Variants in PRKD1 observed in about 807,000 individuals in gnomAD.
The protein encoded by PRKD1 is serine/threonine-protein kinase D1.
PRKD1 carries 63 observed loss-of-function variants against 95.9 expected under a neutral mutation model. That is an observed-to-expected ratio of 0.66 (90% CI 0.54 to 0.81). The LOEUF (loss-of-function observed/expected upper bound fraction) is 0.81, where lower values mean the gene tolerates loss of function less well. Ranked by LOEUF, PRKD1 falls within the 30% of genes least tolerant of loss-of-function variation. The pLI, the probability that PRKD1 is intolerant of heterozygous loss-of-function variation, is 0.00. For missense variants in PRKD1, 1,048 were observed against 1,165.3 expected (o/e 0.90, Z 1.47); for synonymous variants, 425 against 423.1 (o/e 1.00, Z -0.05).
intron 1 of PRKD1, among the ~76,000 whole-genome samples, chr14:29,740,436 A>G (rs1197479675): frequency 6.6e-6 from 1 of 152,216 alleles, no homozygotes; most frequent in Non-Finnish European, 1.5e-5. Context: ...TCCAGAACAT[A>G]TTAAGGAATA....
intron 1 of PRKD1, among the ~76,000 whole-genome samples, chr14:29,736,498 GA>G (rs45445494): frequency 0.01 from 1,560 of 152,256 alleles, 28 homozygotes; most frequent in African/African-American, 0.034. Context: ...TTTGAAATCT[GA>G]AAACCCTCAT....
chr14:29,864,230 A>C (rs1161025686), intron 1 of PRKD1, among the ~76,000 whole-genome samples: 1 of 152,162 alleles, frequency 6.6e-6, no homozygotes, highest in Non-Finnish European at 1.5e-5. Context: ...GTCAGAAGAC[A>C]ACTATATAAC....
At chr14:29,734,357 T>C (rs1026728695) in intron 1 of PRKD1, among the ~76,000 whole-genome samples, 4 of 152,044 alleles carry the variant, frequency 2.6e-5, no homozygotes, top group African/African-American at 9.7e-5. Context: ...TTTTTATATG[T>C]GTAAATTAGA....
At position 29,927,289 on chromosome 14, in the gene PRKD1, G is replaced by A; in HGVS notation, c.224C>T (p.Ala75Val). 3.9e-6 allele frequency: 6 copies of A among 1,539,040 alleles called. No individual in the cohort carries two copies. The highest frequency in any genetic ancestry group is 5.2e-6 in the Non-Finnish European group (6 of 1,144,398). Residue 75 changes from alanine to valine, a missense_variant, in exon 1 of 18, where the codon GCG (alanine) becomes GTG (valine). Physicochemically the swap from Ala to Val is moderately conservative, Grantham distance 64. Around this residue, in one of 3 missense-constraint regions of PRKD1, gnomAD observed 275 missense variants for 248.6 expected, o/e 1.11. Coordinates refer to ENST00000331968, the MANE Select transcript of PRKD1 (RefSeq NM_002742.3). ...LQDSSGDYSL[A>V]HVREMACSIV... ...GGAGCAAGCCATCTCGCGGACGTGC[G>A]CCAGGCTGTAGTCCCCGGACGAGTC...
intron 1 of PRKD1, among the ~76,000 whole-genome samples, chr14:29,773,864 T>C (rs1393991842): frequency 6.6e-6 from 1 of 152,208 alleles, no homozygotes; most frequent in African/African-American, 2.4e-5. Flanking sequence ...AAATAAGCGA[T>C]TATGATCAGT....
intron 16 of PRKD1, among the ~76,000 whole-genome samples, chr14:29,590,498 T>A (rs991736194): frequency 1.3e-5 from 2 of 152,168 alleles, no homozygotes; most frequent in Non-Finnish European, 2.9e-5. Context: ...TCGGTGGATG[T>A]GAGAGCTTTT....
At chr14:29,604,001 A>G (rs796618793) in intron 13 of PRKD1, among the ~76,000 whole-genome samples, 1 of 152,204 alleles carries the variant, frequency 6.6e-6, no homozygotes, top group Non-Finnish European at 1.5e-5. Flanking sequence ...TCGTTTGTAG[A>G]TCAAGACAAA....
At chr14:29,658,534 TTAAG>T (rs1230519680) in intron 4 of PRKD1, among the ~76,000 whole-genome samples, 2 of 152,134 alleles carry the variant, frequency 1.3e-5, no homozygotes, top group Non-Finnish European at 2.9e-5. Flanking sequence ...AAGAAAAACT[TTAAG>T]AAACACAGAG....
intron 2 of PRKD1, among the ~76,000 whole-genome samples, chr14:29,716,729 G>C (rs1043073747): frequency 6.6e-6 from 1 of 152,164 alleles, no homozygotes; most frequent in Non-Finnish European, 1.5e-5. Flanking sequence ...AGAATATTTA[G>C]GAAGAAAAGA....
intron 1 of PRKD1, among the ~76,000 whole-genome samples, chr14:29,771,466 T>C (rs762921084): frequency 3.9e-5 from 6 of 152,126 alleles, no homozygotes; most frequent in Admixed American, 6.5e-5. Flanking sequence ...CTCTTCCAGT[T>C]AGCACAGGTG....
At position 29,622,205 on chromosome 14, in the gene PRKD1, G is replaced by A. The variant is rs149729370; in HGVS notation, c.1905+1947C>T. Among the ~76,000 whole-genome samples the A allele has an allele frequency of 1.1e-3, 165 of 151,958 alleles. 1 individual carries two copies. The highest frequency in any genetic ancestry group is 1.8e-3 in the Admixed American group (27 of 15,242). On this transcript the variant is annotated intron_variant, in intron 13 of 17. Coordinates refer to ENST00000331968, the MANE Select transcript of PRKD1 (RefSeq NM_002742.3). ...ATGCTGCTGCTGTTCTTAAGGAGGC[G>A]GAACACAGAAGATAATGCTTTCTGG...
intron 4 of PRKD1, among the ~76,000 whole-genome samples, chr14:29,645,340 C>A (rs2139158283): frequency 6.6e-6 from 1 of 152,168 alleles, no homozygotes; most frequent in Non-Finnish European, 1.5e-5. Context: ...TGCATGTTTT[C>A]CAGAACACAA....
At position 29,666,078 on chromosome 14, in the gene PRKD1, T is replaced by C. The variant is rs964410955; in HGVS notation, c.534A>G (p.Glu178=). The C allele has an allele frequency of 1.9e-6, 3 of 1,580,976 alleles. No individual in the cohort carries two copies. The highest frequency in any genetic ancestry group is 1.7e-6 in the Non-Finnish European group (2 of 1,157,530). ...TTGCATGGGAAGAAAATAACTTACC[T>C]TCACATTTAAGACCTTGACGTACCA... ...WGLVRQGLKC[E]GCGLNYHKRC... Residue 178 remains glutamate (E), a splice_region_variant and synonymous_variant, in exon 3 of 18, where the codon GAA becomes GAG. Transcript: ENST00000331968.
At chr14:29,903,987 AAC>A (rs142683607) in intron 1 of PRKD1, among the ~76,000 whole-genome samples, 28 of 151,790 alleles carry the variant, frequency 1.8e-4, no homozygotes, top group Middle Eastern at 3.4e-3. Flanking sequence ...TACATATACA[AAC>A]ACACACACAC....
intron 1 of PRKD1, among the ~76,000 whole-genome samples, chr14:29,857,282 A>C (rs148982547): frequency 1.3e-5 from 2 of 152,282 alleles, no homozygotes; most frequent in African/African-American, 4.8e-5. Context: ...CCCTATCCAC[A>C]CTACCCTCAT....
chr14:29,646,861 T>C (rs1881160791), intron 4 of PRKD1, among the ~76,000 whole-genome samples: 1 of 150,734 alleles, frequency 6.6e-6, no homozygotes, highest in South Asian at 2.1e-4. Context: ...AACAGAAAAA[T>C]ATGAAAACCC....
intron 1 of PRKD1, among the ~76,000 whole-genome samples, chr14:29,884,764 A>G (rs1160619078): frequency 1.3e-5 from 2 of 152,220 alleles, no homozygotes; most frequent in Non-Finnish European, 2.9e-5. Context: ...TGCAGAGTGG[A>G]GCAAGCAGCG....
chr14:29,711,448 A>T (rs2139356707), intron 2 of PRKD1, among the ~76,000 whole-genome samples: 1 of 152,264 alleles, frequency 6.6e-6, no homozygotes, highest in East Asian at 1.9e-4. Flanking sequence ...TAAATAAGAC[A>T]GTGGAATAAT....
Position 29,826,708 on chromosome 14 carries a change from CACATATATATAT to C in PRKD1, c.264+100529_264+100540del, listed in dbSNP as rs1566622448. 3.4e-4 allele frequency among the ~76,000 whole-genome samples: 15 copies of C among 43,980 alleles called. 4 individuals are homozygous for C. Among genetic ancestry groups the C allele is most frequent in the African/African-American group, 1.6e-3 (15 of 9,438 alleles). 28.9% of individuals were successfully genotyped at this position (43,980 alleles called of 152,430 possible). A position where few individuals can be genotyped will look rare whatever the true frequency, so the allele number is the denominator to read the frequency against. ...ATACACACATATATATACATATATACACATATATATATACATATATATACACATATATATACA... is the reference window on the plus strand; with the variant it reads ...ATACACACATATATATACATATATACACATATATATACACATATATATACA... On this transcript the variant is annotated intron_variant, in intron 1 of 17. Transcript: ENST00000331968.
Sources: gnomAD v4.1 joint callset for allele counts (sites outside exome capture counted in the v4.1 genomes callset) on GRCh38, gnomAD v4.1.1 for gene constraint, gnomAD v4.1.1 regional missense constraint, MANE v1.5 for transcripts, NCBI Gene and HGNC (gene_info 2026-07-23, HGNC 2026-07-21) for gene names.